The following GPHN variants were observed in gnomAD, a reference collection of about 807,000 sequenced individuals.
GPHN encodes the protein gephyrin.
A neutral mutation model predicts 95.5 loss-of-function variants in GPHN; 17 were observed. The observed-to-expected ratio is 0.18, with a 90% CI of 0.12 to 0.27. The LOEUF (loss-of-function observed/expected upper bound fraction) is 0.27. GPHN is among the 10% of genes least tolerant of loss of function. The pLI is 1.00. For missense variants in GPHN, 660 were observed against 978.1 expected, an observed-to-expected ratio of 0.67 and a Z score of 4.34; for synonymous variants, 320 against 322.5, an observed-to-expected ratio of 0.99 and a Z score of 0.08.
intron 10 of GPHN, among the ~76,000 whole-genome samples, chr14:67,024,197 T>G (rs989968194): frequency 1.3e-5 from 2 of 152,198 alleles, no homozygotes; most frequent in African/African-American, 2.4e-5. Flanking sequence ...ACTAATAGCA[T>G]TAACTCAGGA....
At chr14:66,923,934 G>A (rs1409473284) in intron 7 of GPHN, among the ~76,000 whole-genome samples, 2 of 151,824 alleles carry the variant, frequency 1.3e-5, no homozygotes, top group African/African-American at 4.8e-5. Context: ...ACCAATTGGT[G>A]AAACAGGCAT....
chr14:67,604,724 A>ACAACAACAAC, the GPHN span, among the ~76,000 whole-genome samples: 2 of 151,832 alleles, frequency 1.3e-5, no homozygotes, highest in Admixed American at 6.6e-5. Flanking sequence ...AACAACAACA[A>ACAACAACAAC]AAAAAACTTT....
the GPHN span, among the ~76,000 whole-genome samples, chr14:67,507,524 T>G: frequency 1.3e-5 from 2 of 151,896 alleles, no homozygotes; most frequent in African/African-American, 4.8e-5. Flanking sequence ...TCACAGCTCA[T>G]TGCAGCCTCG....
rs561572433 is a variant in GPHN, at chr14:66,774,845, T to G, written c.144-1619T>G. 2.9e-4 allele frequency among the ~76,000 whole-genome samples: 44 copies of G among 152,332 alleles called. 1 individual carries two copies. The highest frequency in any genetic ancestry group is 3.4e-3 in the Middle Eastern group (1 of 294). On this transcript the variant is annotated intron_variant, in intron 2 of 22. Transcript: ENST00000478722. The stretch of plus-strand genomic sequence containing the variant: ...AACATTTTAAAAATATAGCTACATT[T>G]GGAAATGATATAAAAGTATACTTTA...
At chr14:67,232,144 A>G in the GPHN span, among the ~76,000 whole-genome samples, 1 of 152,142 alleles carries the variant, frequency 6.6e-6, no homozygotes, top group African/African-American at 2.4e-5. Flanking sequence ...CTTCTAGACA[A>G]TAAGATGGCA....
At chr14:66,731,486 C>T (rs1017230640) in intron 2 of GPHN, among the ~76,000 whole-genome samples, 1 of 152,222 alleles carries the variant, frequency 6.6e-6, no homozygotes, top group African/African-American at 2.4e-5. Flanking sequence ...TCACTCCTGC[C>T]TTGCTTTAGC....
chr14:67,724,395 T>G, the GPHN span: 11 of 255,470 alleles, frequency 4.3e-5, no homozygotes, highest in East Asian at 2.7e-4. Context: ...GGATAGAGTT[T>G]TTTTTTTTTT....
the GPHN span, chr14:67,725,069 C>A: frequency 1.2e-6 from 2 of 1,613,604 alleles, no homozygotes; most frequent in Non-Finnish European, 1.7e-6. Context: ...AGGATATGAA[C>A]ATACTGCTCT....
chr14:67,654,113 TTTTA>T, the GPHN span, among the ~76,000 whole-genome samples: 3 of 152,216 alleles, frequency 2.0e-5, no homozygotes, highest in East Asian at 1.9e-4. Context: ...GTTCCTTGGC[TTTTA>T]TTTATTTGAA....
At chr14:66,863,919 T>G (rs908940168) in intron 4 of GPHN, among the ~76,000 whole-genome samples, 2 of 152,152 alleles carry the variant, frequency 1.3e-5, no homozygotes, top group Non-Finnish European at 2.9e-5. Flanking sequence ...CAAAAATTTC[T>G]TGAGTAATAT....
the GPHN span, among the ~76,000 whole-genome samples, chr14:67,303,766 CCTT>C: frequency 6.6e-6 from 1 of 152,042 alleles, no homozygotes; most frequent in Non-Finnish European, 1.5e-5. Context: ...AAACTCTGCA[CCTT>C]TTTTTTTGGA....
At chr14:66,706,699 C>A (rs1475585542) in intron 2 of GPHN, among the ~76,000 whole-genome samples, 1 of 152,126 alleles carries the variant, frequency 6.6e-6, no homozygotes, top group African/African-American at 2.4e-5. Context: ...AAACCCAAAA[C>A]TATAAAAACC....
intron 8 of GPHN, among the ~76,000 whole-genome samples, chr14:66,930,462 C>T (rs983230676): frequency 6.6e-6 from 1 of 151,498 alleles, no homozygotes; most frequent in African/African-American, 2.4e-5. Flanking sequence ...TTCATCCCCC[C>T]AGTTTTAAAC....
chr14:67,678,441 A>G, the GPHN span: 2 of 1,545,668 alleles, frequency 1.3e-6, no homozygotes, highest in South Asian at 2.2e-5. Flanking sequence ...GTAAAGAGAA[A>G]GGTATGAAGC....
the GPHN span, chr14:67,473,501 G>A: frequency 6.2e-7 from 1 of 1,614,206 alleles, no homozygotes; most frequent in South Asian, 1.1e-5. This position sits in a 1 kb window ranked among gnomAD's most constrained non-coding sequence, Gnocchi z 6.5. Flanking sequence ...CGAAGCGGAG[G>A]CGGAGGGTGT....
chr14:66,705,179 T>C (rs2068952382), intron 2 of GPHN, among the ~76,000 whole-genome samples: 1 of 152,198 alleles, frequency 6.6e-6, no homozygotes, highest in Non-Finnish European at 1.5e-5. Context: ...ATTAATAGCA[T>C]ACTAACCAAA....
At chr14:66,903,836 C>T (rs868018834) in intron 5 of GPHN, among the ~76,000 whole-genome samples, 4 of 151,794 alleles carry the variant, frequency 2.6e-5, no homozygotes, top group Non-Finnish European at 5.9e-5. Flanking sequence ...GTTACCATGA[C>T]GCTTATAAAA....
intron 8 of GPHN, among the ~76,000 whole-genome samples, chr14:66,961,900 G>GTA (rs767734322): frequency 0.022 from 1,178 of 52,818 alleles, 93 homozygotes; most frequent in Middle Eastern, 0.033. Context: ...CCCTGAATGT[G>GTA]TATATATATA....
the GPHN span, chr14:67,690,476 G>T: frequency 6.7e-7 from 1 of 1,498,352 alleles, no homozygotes; most frequent in Non-Finnish European, 9.3e-7. Flanking sequence ...AATGACAGGA[G>T]TCGTGGTGAG....
Sources: gnomAD v4.1 joint callset for allele counts (sites outside exome capture counted in the v4.1 genomes callset) on GRCh38, gnomAD v4.1.1 for gene constraint, Gnocchi (gnomAD v3.1) non-coding constraint, MANE v1.5 for transcripts, NCBI Gene and HGNC (gene_info 2026-07-23, HGNC 2026-07-21) for gene names.